The following ACTR2 variants were observed in gnomAD, a reference collection of about 807,000 sequenced individuals.
The protein encoded by ACTR2 is actin-related protein 2.
A neutral mutation model predicts 50.2 loss-of-function variants in ACTR2; 5 were observed. That is an observed-to-expected ratio of 0.10 (90% CI 0.05 to 0.21). The LOEUF (loss-of-function observed/expected upper bound fraction) is 0.21. Among genes scored for constraint, ACTR2 ranks in the 10% least tolerant of loss-of-function variants. The pLI is 1.00. For missense variants in ACTR2, 180 were observed against 480.6 expected (o/e 0.37, Z 5.85); for synonymous variants, 140 against 162.9 (o/e 0.86, Z 1.07).
At chr2:65,245,817 G>A (rs1261381466) in intron 2 of ACTR2, among the ~76,000 whole-genome samples, 2 of 152,122 alleles carry the variant, frequency 1.3e-5, no homozygotes, top group African/African-American at 2.4e-5. Context: ...GTGTGATGGT[G>A]TAGTTTTCCA....
intron 6 of ACTR2, among the ~76,000 whole-genome samples, chr2:65,260,056 C>G (rs1035257953): frequency 2.0e-5 from 3 of 152,066 alleles, no homozygotes; most frequent in African/African-American, 7.2e-5. Flanking sequence ...ACAGAATTGC[C>G]TAATAAAAAT....
In ACTR2 at chr2:65,270,931, A is replaced by G. The variant is rs1169327238; in HGVS notation, c.*2197A>G. ...AAAAAAAATTCTGTTTTAAAAAGCA[A>G]TCTGATTCTTAGCTCTTGAAACTAT... On this transcript the variant is annotated 3_prime_UTR_variant, in exon 9 of 9. Coordinates refer to ENST00000260641, the MANE Select transcript of ACTR2 (RefSeq NM_005722.4). 3.9e-5 allele frequency: 6 copies of G among 152,102 alleles called. No individual in the cohort carries two copies. Among genetic ancestry groups the G allele is most frequent in the South Asian group, 2.1e-4 (1 of 4,834 alleles). 9.4% of individuals were successfully genotyped at this position (152,102 alleles called of 1,614,324 possible).
intron 2 of ACTR2, chr2:65,242,610 C>A: frequency 2.0e-6 from 1 of 500,262 alleles, no homozygotes; most frequent in Admixed American, 2.0e-5. Flanking sequence ...TACTGATGAG[C>A]AGATTTCACA....
intron 2 of ACTR2, among the ~76,000 whole-genome samples, chr2:65,244,265 A>G (rs2103994560): frequency 6.6e-6 from 1 of 152,332 alleles, no homozygotes. Context: ...GGTTGAAATA[A>G]TACTGATTAT....
At chr2:65,251,152 A>T in intron 4 of ACTR2, 53 bp downstream of exon 4, 1 of 1,299,078 alleles carries the variant, frequency 7.7e-7, no homozygotes, top group Non-Finnish European at 1.1e-6. Flanking sequence ...TTTATTATGT[A>T]TGTTTTATGT....
At chr2:65,242,164 T>C in intron 2 of ACTR2, 2 of 797,944 alleles carry the variant, frequency 2.5e-6, no homozygotes, top group Non-Finnish European at 2.1e-6. Flanking sequence ...GGGGGGGTTA[T>C]TTCCATATTT....
At chr2:65,250,069 A>T (rs1031799764) in intron 3 of ACTR2, among the ~76,000 whole-genome samples, 10 of 152,168 alleles carry the variant, frequency 6.6e-5, no homozygotes, top group Admixed American at 6.5e-4. Flanking sequence ...TCTTCGAATT[A>T]AAAGATATTT....
intron 1 of ACTR2, among the ~76,000 whole-genome samples, chr2:65,238,447 C>T (rs998850549): frequency 1.4e-5 from 2 of 144,344 alleles, no homozygotes; most frequent in Non-Finnish European, 3.0e-5. Context: ...ATCACGAGGT[C>T]AGGAGATCGA....
intron 1 of ACTR2, among the ~76,000 whole-genome samples, chr2:65,238,556 T>C (rs1671781355): frequency 7.0e-6 from 1 of 141,902 alleles, no homozygotes; most frequent in South Asian, 2.2e-4. Flanking sequence ...CTACTCGGGA[T>C]GCTGAGGCAG....
At chr2:65,246,943 G>GTA (rs1349782831) in intron 3 of ACTR2, among the ~76,000 whole-genome samples, 1 of 151,980 alleles carries the variant, frequency 6.6e-6, no homozygotes, top group Non-Finnish European at 1.5e-5. Flanking sequence ...GCCATGGAGT[G>GTA]TATATATTCT....
chr2:65,254,658 A>T (rs1672114570), intron 5 of ACTR2, among the ~76,000 whole-genome samples: 1 of 152,192 alleles, frequency 6.6e-6, no homozygotes, highest in Non-Finnish European at 1.5e-5. Context: ...CTGGGCAGGA[A>T]TGCTACTGAA....
intron 6 of ACTR2, among the ~76,000 whole-genome samples, chr2:65,258,313 C>T (rs549421084): frequency 1.2e-4 from 19 of 152,122 alleles, no homozygotes; most frequent in African/African-American, 1.9e-4. Flanking sequence ...TAGTGGCTCA[C>T]ACCGGTAATC....
chr2:65,268,135 A>G (rs1447554819), intron 8 of ACTR2, among the ~76,000 whole-genome samples: 1 of 152,072 alleles, frequency 6.6e-6, no homozygotes, highest in Non-Finnish European at 1.5e-5. Context: ...ACACCCAGCC[A>G]TGCAAGTCCT....
intron 1 of ACTR2, among the ~76,000 whole-genome samples, chr2:65,236,084 G>A (rs977792609): frequency 3.9e-5 from 6 of 152,124 alleles, no homozygotes; most frequent in Non-Finnish European, 7.4e-5. Context: ...GCCGGGTGCG[G>A]TGGCTTATGC....
At chr2:65,243,236 G>A (rs1260706911) in intron 2 of ACTR2, among the ~76,000 whole-genome samples, 2 of 152,070 alleles carry the variant, frequency 1.3e-5, no homozygotes, top group South Asian at 2.1e-4. Flanking sequence ...CCGAGATCAC[G>A]CCACTGCATT....
chr2:65,233,176 G>A (rs1412733506), intron 1 of ACTR2, among the ~76,000 whole-genome samples: 1 of 151,878 alleles, frequency 6.6e-6, no homozygotes, highest in East Asian at 1.9e-4. Flanking sequence ...TGTATTTTTA[G>A]TAGAGATGTG....
chr2:65,264,471 T>C (rs963847623), intron 7 of ACTR2, among the ~76,000 whole-genome samples: 10 of 152,172 alleles, frequency 6.6e-5, no homozygotes, highest in African/African-American at 2.4e-4. Context: ...GCAGTCTTTT[T>C]AGATTGGATT....
chr2:65,247,813 A>G (rs1431949439), intron 3 of ACTR2, among the ~76,000 whole-genome samples: 1 of 150,528 alleles, frequency 6.6e-6, no homozygotes, highest in Non-Finnish European at 1.5e-5. Flanking sequence ...ACTTGTTGTT[A>G]TTCATGGATC....
At chr2:65,258,391 T>C (rs563145813) in intron 6 of ACTR2, among the ~76,000 whole-genome samples, 198 of 151,838 alleles carry the variant, frequency 1.3e-3, no homozygotes, top group African/African-American at 4.7e-3. Context: ...GCCTGGGCAA[T>C]ATAATGAGAC....
Sources: allele counts gnomAD v4.1 joint callset (sites outside exome capture counted in the v4.1 genomes callset), GRCh38; gene constraint gnomAD v4.1.1; transcripts MANE v1.5; gene names NCBI Gene and HGNC (gene_info 2026-07-23, HGNC 2026-07-21).